PAIP2: variants seen among roughly 807,000 people sequenced by gnomAD.
PAIP2 encodes the protein poly(A) binding protein interacting protein 2.
A neutral mutation model predicts 14.8 loss-of-function variants in PAIP2; 7 were observed. The observed-to-expected ratio is 0.47, with a 90% CI of 0.27 to 0.89. The LOEUF (loss-of-function observed/expected upper bound fraction) is 0.89. PAIP2 is among the 40% of genes least tolerant of loss of function. The pLI is 0.13. For synonymous variants in PAIP2, 47 were observed against 45.3 expected (o/e 1.04, Z -0.15); for missense variants, 122 against 154.7 (o/e 0.79, Z 1.12).
chr5:139,345,529 A>G (rs1477708524), intron 1 of PAIP2, among the ~76,000 whole-genome samples: 2 of 152,318 alleles, frequency 1.3e-5, no homozygotes, highest in Non-Finnish European at 2.9e-5. Flanking sequence ...AAATAAGGTA[A>G]GGATCACAGT....
At chr5:139,361,637 A>C (rs1184576821) in intron 1 of PAIP2, among the ~76,000 whole-genome samples, 1 of 152,098 alleles carries the variant, frequency 6.6e-6, no homozygotes, top group East Asian at 1.9e-4. Flanking sequence ...ATTTGATACT[A>C]CTTTTACTCA....
chr5:139,368,297 G>A (rs1056571549), intron 3 of PAIP2, among the ~76,000 whole-genome samples: 3 of 151,924 alleles, frequency 2.0e-5, no homozygotes, highest in Admixed American at 6.6e-5. Context: ...CTGAGATCGC[G>A]CCACTGCACT....
At chr5:139,367,597 A>G (rs1282403420) in intron 3 of PAIP2, 4 of 152,072 alleles carry the variant, frequency 2.6e-5, no homozygotes, top group Admixed American at 6.6e-5. Flanking sequence ...CTGGTTCCCC[A>G]TGTAGTTTTC....
At chr5:139,360,739 A>G (rs948700858) in intron 1 of PAIP2, among the ~76,000 whole-genome samples, 8 of 149,714 alleles carry the variant, frequency 5.3e-5, no homozygotes, top group African/African-American at 2.0e-4. Flanking sequence ...TTGGGATTAC[A>G]GGCATGAGCC....
At chr5:139,350,300 AG>A (rs1361106248) in intron 1 of PAIP2, among the ~76,000 whole-genome samples, 1 of 152,182 alleles carries the variant, frequency 6.6e-6, no homozygotes, top group Non-Finnish European at 1.5e-5. Flanking sequence ...TAAGTAAAAA[AG>A]ATGAGTGTAA....
At position 139,368,813 on chromosome 5, in the gene PAIP2, CT is replaced by C; in HGVS notation, c.*19del. The C allele has an allele frequency of 6.3e-7, 1 of 1,583,568 alleles. No homozygotes were observed. On this transcript the variant is annotated 3_prime_UTR_variant, in exon 4 of 4. Coordinates refer to ENST00000265192, the MANE Select transcript of PAIP2 (RefSeq NM_016480.5). ...GAAATATTTGAGTAGACGGGGCCCT[CT>C]TTTGGTGGATGTAGCACAATTTCCA...
chr5:139,351,617 T>C (rs1029220520), intron 1 of PAIP2, among the ~76,000 whole-genome samples: 4 of 152,204 alleles, frequency 2.6e-5, no homozygotes, highest in Non-Finnish European at 4.4e-5. Context: ...ATATACGCTT[T>C]AGACGTTTGT....
intron 1 of PAIP2, among the ~76,000 whole-genome samples, chr5:139,361,877 C>T (rs1371007846): frequency 1.4e-5 from 2 of 138,816 alleles, no homozygotes; most frequent in Admixed American, 8.2e-5. Flanking sequence ...GCCTGGGAGG[C>T]GGAGGTTGCG....
intron 1 of PAIP2, among the ~76,000 whole-genome samples, chr5:139,360,927 T>C (rs555834376): frequency 2.6e-4 from 40 of 152,122 alleles, no homozygotes; most frequent in African/African-American, 9.4e-4. Flanking sequence ...ATTATAGGCA[T>C]GCACCACCAC....
chr5:139,346,225 C>G (rs1192500956), intron 1 of PAIP2, among the ~76,000 whole-genome samples: 1 of 152,108 alleles, frequency 6.6e-6, no homozygotes, highest in African/African-American at 2.4e-5. Flanking sequence ...AAGCTGTCGT[C>G]TAGAACAGGA....
intron 1 of PAIP2, among the ~76,000 whole-genome samples, chr5:139,348,480 G>C (rs1367668383): frequency 1.3e-5 from 2 of 150,882 alleles, no homozygotes; most frequent in Non-Finnish European, 3.0e-5. Flanking sequence ...TCGGCCTCCT[G>C]AGTAGCTGGG....
At chr5:139,362,596 G>A (rs1191473926) in intron 1 of PAIP2, among the ~76,000 whole-genome samples, 2 of 151,934 alleles carry the variant, frequency 1.3e-5, no homozygotes, top group Non-Finnish European at 2.9e-5. Context: ...TTTTAGTAGA[G>A]ACGGGGTTTC....
intron 1 of PAIP2, among the ~76,000 whole-genome samples, chr5:139,357,826 A>G (rs549104899): frequency 5.3e-5 from 8 of 152,292 alleles, no homozygotes; most frequent in African/African-American, 1.9e-4. Flanking sequence ...GCGAGATTCC[A>G]TCTCAAAAAA....
At chr5:139,365,182 T>TAAAA (rs1265067805) in intron 3 of PAIP2, 1 of 132,692 alleles carries the variant, frequency 7.5e-6, no homozygotes, top group Non-Finnish European at 1.6e-5. Flanking sequence ...AATAAATAAA[T>TAAAA]AGAATAAAAA....
intron 1 of PAIP2, among the ~76,000 whole-genome samples, chr5:139,359,026 A>G (rs192428821): frequency 1.3e-5 from 2 of 152,092 alleles, no homozygotes; most frequent in African/African-American, 4.8e-5. Context: ...CCAGGCTGGA[A>G]TGCAGTGGCG....
At chr5:139,359,244 C>G (rs2152052130) in intron 1 of PAIP2, among the ~76,000 whole-genome samples, 1 of 152,272 alleles carries the variant, frequency 6.6e-6, no homozygotes, top group Non-Finnish European at 1.5e-5. Flanking sequence ...TCAAGTGATT[C>G]TCCTGCCTCA....
At chr5:139,345,820 G>C (rs1280529389) in intron 1 of PAIP2, among the ~76,000 whole-genome samples, 1 of 151,726 alleles carries the variant, frequency 6.6e-6, no homozygotes, top group Non-Finnish European at 1.5e-5. Context: ...GGAGAGATGG[G>C]GTTTCACCGT....
At chr5:139,346,117 T>C (rs1756537795) in intron 1 of PAIP2, among the ~76,000 whole-genome samples, 1 of 152,186 alleles carries the variant, frequency 6.6e-6, no homozygotes, top group Non-Finnish European at 1.5e-5. Context: ...AGTTGATAAA[T>C]TGAAAGGGTT....
chr5:139,359,197 C>T (rs749446074), intron 1 of PAIP2, among the ~76,000 whole-genome samples: 7 of 152,042 alleles, frequency 4.6e-5, no homozygotes, highest in Non-Finnish European at 8.8e-5. Context: ...AGTGCAGTGG[C>T]GCGATCTTGG....
Sources: gnomAD v4.1 joint callset for allele counts (sites outside exome capture counted in the v4.1 genomes callset) on GRCh38, gnomAD v4.1.1 for gene constraint, MANE v1.5 for transcripts, NCBI Gene and HGNC (gene_info 2026-07-23, HGNC 2026-07-21) for gene names.